The following KNTC1 variants were observed in gnomAD, a reference collection of about 807,000 sequenced individuals.
KNTC1 encodes the protein kinetochore associated 1.
A neutral mutation model predicts 314.4 loss-of-function variants in KNTC1; 253 were observed. That is an observed-to-expected ratio of 0.80 (90% CI 0.73 to 0.89). The LOEUF is 0.89. Among genes scored for constraint, KNTC1 ranks in the 40% least tolerant of loss-of-function variants. KNTC1 has a pLI of 0.00. For missense variants in KNTC1, 2,475 were observed against 2,572.9 expected (o/e 0.96, Z 0.82); for synonymous variants, 901 against 901.4 (o/e 1.00, Z 0.01).
intron 35 of KNTC1, 67 bp downstream of exon 35, chr12:122,584,517 C>A: frequency 8.1e-7 from 1 of 1,236,688 alleles, no homozygotes; most frequent in Non-Finnish European, 1.1e-6. Flanking sequence ...CTCCCAAATG[C>A]TGTCTCTTTA....
chr12:122,542,013 C>A lies in KNTC1; in HGVS notation c.446-37C>A, dbSNP rs148531995. 922 of 1,481,962 alleles carry A rather than the reference C, an allele frequency of 6.2e-4. 7 individuals carry two copies. The African/African-American group carries it at 0.012, about 19-fold the overall frequency. The allele number at this position is 1,481,962 out of a possible 1,614,324, so 91.8% of individuals were successfully genotyped here. A position where few individuals can be genotyped will look rare whatever the true frequency, so the allele number is the denominator to read the frequency against. On this transcript the variant is annotated intron_variant, in intron 5 of 63. Transcript: ENST00000333479. ...CTAGCGACAGAATGAGACTCCATCT[C>A]AAAAAAAAGAAACTGATTCTGATTT...
intron 29 of KNTC1, 43 bp downstream of exon 29, chr12:122,575,942 G>A (rs1267797801): frequency 1.3e-6 from 2 of 1,546,034 alleles, no homozygotes; most frequent in Admixed American, 2.2e-5. Context: ...TTTCATTTCT[G>A]GGGCAATATG....
intron 6 of KNTC1, among the ~76,000 whole-genome samples, chr12:122,542,828 C>T (rs943968500): frequency 6.6e-6 from 1 of 152,024 alleles, no homozygotes; most frequent in African/African-American, 2.4e-5. Context: ...TAGTCTGGAC[C>T]ATTTATCCCT....
At chr12:122,589,664 G>A (rs903693722) in intron 40 of KNTC1, among the ~76,000 whole-genome samples, 5 of 151,672 alleles carry the variant, frequency 3.3e-5, no homozygotes, top group African/African-American at 9.7e-5. Context: ...GTAGAGACAG[G>A]TCTCACTGTG....
chr12:122,619,474 G>A (rs553164097), intron 59 of KNTC1, among the ~76,000 whole-genome samples: 175 of 151,844 alleles, frequency 1.2e-3, no homozygotes, highest in Non-Finnish European at 2.1e-3. Flanking sequence ...GTGCAGTGGC[G>A]CCATCTCGGC....
intron 16 of KNTC1, among the ~76,000 whole-genome samples, chr12:122,554,064 T>A (rs1412657046): frequency 1.1e-4 from 14 of 122,562 alleles, no homozygotes. Context: ...AATACTTCCT[T>A]AAAAAAAAAA....
intron 45 of KNTC1, 77 bp from the exon 46 acceptor site, chr12:122,602,492 G>T: frequency 5.8e-6 from 5 of 865,976 alleles, no homozygotes; most frequent in Non-Finnish European, 8.9e-6. Flanking sequence ...ACTTTTGATG[G>T]TATACTATTA....
In KNTC1 at chr12:122,551,378, C is replaced by A; in HGVS notation, c.1130+16C>A. On this transcript the variant is annotated intron_variant, in intron 14 of 63. Coordinates refer to ENST00000333479, the MANE Select transcript of KNTC1 (RefSeq NM_014708.6). ...ATGATCCAAAGTAGGTCATGTTTTACCGTGTTAAGTAATAGCTATGTTAAA... is the reference window on the plus strand; with the variant it reads ...ATGATCCAAAGTAGGTCATGTTTTAACGTGTTAAGTAATAGCTATGTTAAA... 6.3e-7 allele frequency: 1 copy of A among 1,591,402 alleles called. No individual in the cohort carries two copies. Among genetic ancestry groups the A allele is most frequent in the Non-Finnish European group, 8.6e-7 (1 of 1,164,046 alleles).
chr12:122,535,967 C>T (rs975402200), intron 3 of KNTC1, among the ~76,000 whole-genome samples: 10 of 148,622 alleles, frequency 6.7e-5, no homozygotes, highest in African/African-American at 2.5e-4. Context: ...AATCTCGGCT[C>T]ACTGCAAGCT....
intron 24 of KNTC1, among the ~76,000 whole-genome samples, chr12:122,572,254 G>T (rs1364305176): frequency 1.3e-5 from 2 of 152,038 alleles, no homozygotes; most frequent in African/African-American, 2.4e-5. Context: ...AATTAGCCAG[G>T]CATGGTGGTG....
Position 122,609,436 on chromosome 12 carries a change from C to CT in KNTC1, c.5543+10dup, listed in dbSNP as rs1872883208. 6.5e-7 allele frequency: 1 copy of CT among 1,543,088 alleles called. No homozygotes were observed. Among genetic ancestry groups the CT allele is most frequent in the African/African-American group, 1.4e-5 (1 of 73,214 alleles). On this transcript the variant is annotated splice_region_variant and intron_variant, in intron 52 of 63. Coordinates refer to ENST00000333479, the MANE Select transcript of KNTC1 (RefSeq NM_014708.6). ...GAAGATGAAGCCCTACGAAGGTACT[C>CT]TTTTCCTTTACTTATATTCACCTAT...
At chr12:122,569,654 CT>C (rs751186276) in intron 21 of KNTC1, 26 bp from the exon 22 acceptor site, 1 of 1,589,646 alleles carries the variant, frequency 6.3e-7, no homozygotes, top group East Asian at 2.2e-5. Context: ...TTTGTCAGAT[CT>C]TAATTTCTCG....
At chr12:122,590,238 TA>T (rs925252717) in intron 40 of KNTC1, among the ~76,000 whole-genome samples, 6 of 152,110 alleles carry the variant, frequency 3.9e-5, no homozygotes, top group Non-Finnish European at 7.4e-5. Flanking sequence ...ATTTTGTATA[TA>T]TTTTTTGTAT....
At chr12:122,586,174 C>G (rs981954079) in intron 37 of KNTC1, among the ~76,000 whole-genome samples, 1 of 152,186 alleles carries the variant, frequency 6.6e-6, no homozygotes, top group African/African-American at 2.4e-5. Flanking sequence ...CCTCTGCCTC[C>G]TGGGTTCAAG....
chr12:122,606,804 A>G (rs972140300), intron 51 of KNTC1, among the ~76,000 whole-genome samples: 3 of 152,140 alleles, frequency 2.0e-5, no homozygotes, highest in African/African-American at 7.2e-5. Flanking sequence ...TTTCTGAACC[A>G]TTGGAGAGTA....
intron 51 of KNTC1, among the ~76,000 whole-genome samples, chr12:122,605,787 T>G (rs1872522406): frequency 6.6e-6 from 1 of 152,110 alleles, no homozygotes; most frequent in Admixed American, 6.6e-5. Context: ...CTTGTGATCC[T>G]CCTGCCTCAG....
intron 19 of KNTC1, 147 bp from the exon 20 acceptor site, chr12:122,562,491 A>C (rs1964043535): frequency 1.8e-6 from 1 of 567,818 alleles, no homozygotes; most frequent in African/African-American, 2.0e-5. Flanking sequence ...ATGTGTGTGA[A>C]ATAAAGGCAG....
intron 6 of KNTC1, 42 bp downstream of exon 6, chr12:122,542,169 A>G (rs1403384275): frequency 3.1e-6 from 4 of 1,283,926 alleles, no homozygotes; most frequent in Non-Finnish European, 4.3e-6. Context: ...TTGCAGCAAT[A>G]TTTACTAGTT....
At chr12:122,622,249 ATTAC>A (rs1874519528) in intron 61 of KNTC1, among the ~76,000 whole-genome samples, 1 of 152,174 alleles carries the variant, frequency 6.6e-6, no homozygotes, top group South Asian at 2.1e-4. Flanking sequence ...CACAACAACA[ATTAC>A]TTTATTTATT....
Sources: gnomAD v4.1 joint callset for allele counts (sites outside exome capture counted in the v4.1 genomes callset) on GRCh38, gnomAD v4.1.1 for gene constraint, MANE v1.5 for transcripts, NCBI Gene and HGNC (gene_info 2026-07-23, HGNC 2026-07-21) for gene names.